The following OR2L13 variants were observed in gnomAD, a reference collection of about 807,000 sequenced individuals.
OR2L13 encodes olfactory receptor family 2 subfamily L member 13, also known as olfactory receptor 2L13.
A neutral mutation model predicts 15.3 loss-of-function variants in OR2L13; 14 were observed. The ratio of observed to expected loss-of-function variants is 0.91; its 90% CI spans 0.60 to 1.43. OR2L13 has a LOEUF of 1.43. Ranked by LOEUF, OR2L13 falls within the 40% of genes most tolerant of loss-of-function variation. The pLI, the probability that OR2L13 is intolerant of heterozygous loss-of-function variation, is 0.00. For synonymous variants in OR2L13, 152 were observed against 142.9 expected (o/e 1.06, Z -0.45); for missense variants, 367 against 387.9 (o/e 0.95, Z 0.45).
At chr1:248,078,901 A>G in the OR2L13 span, among the ~76,000 whole-genome samples, 2 of 152,214 alleles carry the variant, frequency 1.3e-5, no homozygotes, top group African/African-American at 4.8e-5. Flanking sequence ...TATGTTTTAT[A>G]TCTATATCTG....
chr1:248,073,205 A>G, the OR2L13 span, among the ~76,000 whole-genome samples: 2 of 151,758 alleles, frequency 1.3e-5, no homozygotes, highest in Non-Finnish European at 3.0e-5. Context: ...TATTCACAAT[A>G]GCAAAGACTT....
the OR2L13 span, among the ~76,000 whole-genome samples, chr1:247,977,594 G>A: frequency 6.6e-6 from 1 of 152,080 alleles, no homozygotes; most frequent in Non-Finnish European, 1.5e-5. Flanking sequence ...TTAGCCAAAA[G>A]CATAAACTTT....
chr1:248,065,026 C>A, the OR2L13 span, among the ~76,000 whole-genome samples: 1 of 152,192 alleles, frequency 6.6e-6, no homozygotes, highest in African/African-American at 2.4e-5. Context: ...AGAAAGAAGT[C>A]AAATTATCCA....
the OR2L13 span, among the ~76,000 whole-genome samples, chr1:248,044,732 A>G: frequency 1.6e-3 from 140 of 87,072 alleles, 15 homozygotes; most frequent in African/African-American, 4.2e-3. Context: ...GAACCCGGGA[A>G]GCGGAGCTTG....
At chr1:247,998,800 T>C in the OR2L13 span, among the ~76,000 whole-genome samples, 2 of 152,168 alleles carry the variant, frequency 1.3e-5, no homozygotes, top group African/African-American at 4.8e-5. Flanking sequence ...GCTTTGTGCT[T>C]TTAATATTTA....
chr1:247,994,196 AC>A, the OR2L13 span, among the ~76,000 whole-genome samples: 2 of 152,114 alleles, frequency 1.3e-5, no homozygotes, highest in Non-Finnish European at 2.9e-5. Flanking sequence ...GGAGATCGAG[AC>A]CATCCTGGCT....
chr1:248,000,491 T>C, the OR2L13 span, among the ~76,000 whole-genome samples: 1 of 152,200 alleles, frequency 6.6e-6, no homozygotes, highest in African/African-American at 2.4e-5. Context: ...CAACTCTAAA[T>C]TGAAGGATAG....
the OR2L13 span, among the ~76,000 whole-genome samples, chr1:248,015,058 T>G: frequency 2.0e-5 from 3 of 152,170 alleles, no homozygotes; most frequent in African/African-American, 7.2e-5. Context: ...TGATGCACTA[T>G]CGTGGACCTC....
chr1:247,939,174 G>A, the OR2L13 span: 1 of 152,136 alleles, frequency 6.6e-6, no homozygotes, highest in Non-Finnish European at 1.5e-5. Flanking sequence ...GGCTTAGTAA[G>A]TAAACAAATT....
chr1:247,960,992 C>T, the OR2L13 span, among the ~76,000 whole-genome samples: 1 of 152,274 alleles, frequency 6.6e-6, no homozygotes, highest in Non-Finnish European at 1.5e-5. Context: ...CCCGGTACCT[C>T]AGTTGGAAAT....
At chr1:247,944,381 G>C in the OR2L13 span, among the ~76,000 whole-genome samples, 1 of 152,012 alleles carries the variant, frequency 6.6e-6, no homozygotes, top group Non-Finnish European at 1.5e-5. Flanking sequence ...TGGCATGGTG[G>C]TTTGCTGCTT....
intron 1 of OR2L13, among the ~76,000 whole-genome samples, chr1:248,097,984 A>T (rs1193838131): frequency 6.6e-6 from 1 of 152,226 alleles, no homozygotes; most frequent in African/African-American, 2.4e-5. Context: ...AAAATTAATC[A>T]AATATTTGCT....
At chr1:248,012,512 C>T in the OR2L13 span, among the ~76,000 whole-genome samples, 1 of 152,104 alleles carries the variant, frequency 6.6e-6, no homozygotes, top group African/African-American at 2.4e-5. Context: ...TTCTTCCCTC[C>T]TCATTCAGCA....
chr1:247,983,285 G>C, the OR2L13 span, among the ~76,000 whole-genome samples: 1 of 152,198 alleles, frequency 6.6e-6, no homozygotes, highest in South Asian at 2.1e-4. Context: ...TGTGGAGACA[G>C]TCAGTAAAAG....
the OR2L13 span, among the ~76,000 whole-genome samples, chr1:248,036,627 T>C: frequency 6.6e-6 from 1 of 152,110 alleles, no homozygotes; most frequent in Non-Finnish European, 1.5e-5. Flanking sequence ...CCTTTGGCTC[T>C]AAAATAATTT....
the OR2L13 span, among the ~76,000 whole-genome samples, chr1:248,057,958 A>C: frequency 6.6e-6 from 1 of 152,112 alleles, no homozygotes; most frequent in Non-Finnish European, 1.5e-5. Flanking sequence ...GATAATTTTT[A>C]TTTCTTTTCT....
chr1:247,993,235 C>T, the OR2L13 span, among the ~76,000 whole-genome samples: 7 of 151,624 alleles, frequency 4.6e-5, no homozygotes, highest in African/African-American at 1.7e-4. Context: ...TAGTTTTTTG[C>T]TTGTTGATTT....
At chr1:248,009,014 A>G in the OR2L13 span, among the ~76,000 whole-genome samples, 1 of 152,212 alleles carries the variant, frequency 6.6e-6, no homozygotes, top group African/African-American at 2.4e-5. Context: ...AATGTATCAG[A>G]ATCTCTGGGA....
the OR2L13 span, among the ~76,000 whole-genome samples, chr1:247,998,084 T>TAC: frequency 6.6e-6 from 1 of 152,164 alleles, no homozygotes; most frequent in Non-Finnish European, 1.5e-5. Context: ...ATAATAAAGG[T>TAC]ACTACTTATA....
Sources: gnomAD v4.1 joint callset for allele counts (sites outside exome capture counted in the v4.1 genomes callset) on GRCh38, gnomAD v4.1.1 for gene constraint, MANE v1.5 for transcripts, NCBI Gene and HGNC (gene_info 2026-07-23, HGNC 2026-07-21) for gene names.